Variants in FBXO25 observed in about 807,000 individuals in gnomAD.
FBXO25 encodes F-box only protein 25.
In FBXO25, 45 loss-of-function variants were observed where a neutral mutation model predicts 51.9. The ratio of observed to expected loss-of-function variants is 0.87; its 90% confidence interval spans 0.68 to 1.11. The LOEUF is 1.11. Among genes scored for constraint, FBXO25 ranks in the 50% most tolerant of loss-of-function variants. The pLI is 0.00. For synonymous variants in FBXO25, 199 were observed against 151.0 expected, an observed-to-expected ratio of 1.32 and a Z score of -2.33; for missense variants, 507 against 428.5, an observed-to-expected ratio of 1.18 and a Z score of -1.62.
At chr8:457,520 T>C (rs915581143) in intron 7 of FBXO25, among the ~76,000 whole-genome samples, 17 of 152,252 alleles carry the variant, frequency 1.1e-4, no homozygotes, top group African/African-American at 4.1e-4. Flanking sequence ...CTTGAAGTCA[T>C]AGAAATGTAA....
At chr8:430,198 G>A (rs796945561) in intron 2 of FBXO25, among the ~76,000 whole-genome samples, 8 of 152,286 alleles carry the variant, frequency 5.3e-5, no homozygotes, top group South Asian at 2.1e-4. Context: ...TAGAAAAACC[G>A]TTATAGATTC....
chr8:417,112 G>C (rs1483204587), intron 2 of FBXO25, among the ~76,000 whole-genome samples: 1 of 152,230 alleles, frequency 6.6e-6, no homozygotes, highest in Non-Finnish European at 1.5e-5. Context: ...CAGGGTTCCA[G>C]CATGGGTAAG....
intron 7 of FBXO25, among the ~76,000 whole-genome samples, chr8:454,178 T>G (rs1799271089): frequency 6.6e-6 from 1 of 152,214 alleles, no homozygotes; most frequent in Non-Finnish European, 1.5e-5. Context: ...GTCCCAAAAG[T>G]AAGCAGAAAT....
At chr8:451,116 C>A in intron 6 of FBXO25, 153 bp from the exon 7 acceptor site, 2 of 614,064 alleles carry the variant, frequency 3.3e-6, no homozygotes, top group Non-Finnish European at 5.4e-6. Context: ...AATTTCCCTC[C>A]TTTTTAGGGC....
chr8:476,336 A>C lies in FBXO25; in HGVS notation c.*7532A>C, dbSNP rs183796723. On this transcript the variant is annotated 3_prime_UTR_variant, in exon 10 of 10. Transcript: ENST00000350302. ...TACTGATGTGTGGTGTTTTTTTCTTATAGTGTCTTTGTCTGGTTTTGGTAT... is the reference window on the plus strand; with the variant it reads ...TACTGATGTGTGGTGTTTTTTTCTTCTAGTGTCTTTGTCTGGTTTTGGTAT... 23 of 145,232 alleles carry C rather than the reference A, an allele frequency of 1.6e-4. No individual in the cohort carries two copies. The East Asian group carries it at 4.2e-3, about 27-fold the overall frequency. 9.0% of individuals were successfully genotyped at this position (145,232 alleles called of 1,614,324 possible).
At chr8:422,452 G>A (rs1391338079) in intron 2 of FBXO25, among the ~76,000 whole-genome samples, 1 of 152,216 alleles carries the variant, frequency 6.6e-6, no homozygotes, top group African/African-American at 2.4e-5. Flanking sequence ...TGTCAGCTAA[G>A]TACAGTGTGG....
intron 7 of FBXO25, among the ~76,000 whole-genome samples, chr8:456,700 T>C (rs1799458635): frequency 6.6e-6 from 1 of 152,116 alleles, no homozygotes; most frequent in African/African-American, 2.4e-5. Flanking sequence ...TGTCAAGCAG[T>C]GTTGAGGCCC....
intron 5 of FBXO25, among the ~76,000 whole-genome samples, chr8:437,719 G>T (rs1798184527): frequency 1.3e-5 from 2 of 151,046 alleles, no homozygotes; most frequent in East Asian, 3.9e-4. Context: ...TCTTCTGTTG[G>T]CTTTCTTTCA....
chr8:452,579 T>C (rs964350602), intron 7 of FBXO25, among the ~76,000 whole-genome samples: 2 of 152,226 alleles, frequency 1.3e-5, no homozygotes, highest in Non-Finnish European at 2.9e-5. Flanking sequence ...GCAGGTGACC[T>C]TCTGGGGAGA....
rs1358807286 is a variant in FBXO25, at chr8:463,155, T to G, written c.987+5T>G. 5 of 1,607,388 alleles carry G rather than the reference T, an allele frequency of 3.1e-6. No homozygotes were observed. The Admixed American group carries it at 8.7e-5, about 28-fold the overall frequency. On this transcript the variant is annotated splice_donor_5th_base_variant and intron_variant, in intron 9 of 9. Coordinates refer to ENST00000350302, the MANE Select transcript of FBXO25 (RefSeq NM_183420.2). ...TGCAGCATTCTCTTTTGGAAGGTAC[T>G]GATTTAAATGCACTCTTGGAATTTC...
intron 2 of FBXO25, among the ~76,000 whole-genome samples, chr8:415,703 C>G (rs746674790): frequency 5.3e-5 from 8 of 152,162 alleles, no homozygotes; most frequent in South Asian, 4.1e-4. Flanking sequence ...TCTGAGGGTT[C>G]AGCTGGGGAA....
chr8:465,309 A>C (rs1800083631), intron 9 of FBXO25, among the ~76,000 whole-genome samples: 1 of 152,226 alleles, frequency 6.6e-6, no homozygotes, highest in Admixed American at 6.5e-5. Flanking sequence ...ACAATACTGT[A>C]GTTTCTAATT....
At position 412,476 on chromosome 8, in the gene FBXO25, C is replaced by G. The variant is rs563549326; in HGVS notation, c.-7-597C>G. Among the ~76,000 whole-genome samples, 3 of 152,320 alleles carry G rather than the reference C, an allele frequency of 2.0e-5. No individual in the cohort carries two copies. The South Asian group carries it at 6.2e-4, about 32-fold the overall frequency. ...TACTTTCCTCCAGGTGACCCTCACC[C>G]CATACCTTCTCCCACTGTGATACTG... On this transcript the variant is annotated intron_variant, in intron 1 of 9. Coordinates refer to ENST00000350302, the MANE Select transcript of FBXO25 (RefSeq NM_183420.2).
chr8:458,242 C>T (rs1799582167), intron 7 of FBXO25, 127 bp from the exon 8 acceptor site: 22 of 1,085,350 alleles, frequency 2.0e-5, no homozygotes, highest in Non-Finnish European at 2.9e-5. Context: ...CCTTGCGACG[C>T]ATGACATGGA....
At chr8:439,980 T>C (rs1488361212) in intron 5 of FBXO25, among the ~76,000 whole-genome samples, 1 of 152,200 alleles carries the variant, frequency 6.6e-6, no homozygotes, top group Non-Finnish European at 1.5e-5. Context: ...TTTCAAATTT[T>C]TTCATAATTT....
intron 4 of FBXO25, among the ~76,000 whole-genome samples, chr8:434,008 G>C (rs1475785148): frequency 1.3e-5 from 2 of 152,188 alleles, no homozygotes; most frequent in Non-Finnish European, 2.9e-5. Flanking sequence ...TTGCCATACT[G>C]ATTACAGAAC....
intron 9 of FBXO25, among the ~76,000 whole-genome samples, chr8:467,368 A>G (rs530535665): frequency 6.6e-6 from 1 of 152,372 alleles, no homozygotes; most frequent in African/African-American, 2.4e-5. Flanking sequence ...AAGTTTTAAT[A>G]TAAACTGCAC....
intron 2 of FBXO25, among the ~76,000 whole-genome samples, chr8:430,638 G>C (rs1030101572): frequency 6.6e-6 from 1 of 152,138 alleles, no homozygotes; most frequent in Non-Finnish European, 1.5e-5. Flanking sequence ...TGTTATCAGT[G>C]TGTGGAAAAT....
intron 5 of FBXO25, among the ~76,000 whole-genome samples, chr8:439,046 A>G (rs1469440779): frequency 1.3e-5 from 2 of 152,252 alleles, no homozygotes; most frequent in African/African-American, 4.8e-5. Context: ...CTGCACTTCC[A>G]TGAACTCAGA....
Sources: allele counts gnomAD v4.1 joint callset (sites outside exome capture counted in the v4.1 genomes callset), GRCh38; gene constraint gnomAD v4.1.1; transcripts MANE v1.5; gene names NCBI Gene and HGNC (gene_info 2026-07-23, HGNC 2026-07-21).